The following ANKRD50 variants were observed in gnomAD, a reference collection of about 807,000 sequenced individuals.
ANKRD50 encodes ankyrin repeat domain-containing protein 50.
Under a neutral mutation model 112.0 loss-of-function variants are expected in ANKRD50, and 40 were observed. The observed-to-expected ratio is 0.36, with a 90% confidence interval of 0.28 to 0.46. The LOEUF is 0.46. Among genes scored for constraint, ANKRD50 ranks in the 20% least tolerant of loss-of-function variants. The probability of loss-of-function intolerance (pLI) is 1.00; values close to 1 mark genes in which losing one functional copy is unlikely to be tolerated. For synonymous variants in ANKRD50, 613 were observed against 619.1 expected, an observed-to-expected ratio of 0.99 and a Z score of 0.15; for missense variants, 1,487 against 1,701.7, an observed-to-expected ratio of 0.87 and a Z score of 2.22.
At chr4:124,688,761 C>T (rs780739549) in intron 2 of ANKRD50, among the ~76,000 whole-genome samples, 2 of 152,132 alleles carry the variant, frequency 1.3e-5, no homozygotes, top group African/African-American at 2.4e-5. Context: ...CCATCTAAAC[C>T]TACTAGAATG....
At position 124,672,119 on chromosome 4, in the gene ANKRD50, T is replaced by C. The variant is rs958964740; in HGVS notation, c.1158A>G (p.Gln386=). ...KNMSLTLEDF[Q]RKLDILSKLL... ...GTTTGGAGAGGATATCTAACTTGCG[T>C]TGAAAATCTTCCAAAGTTAACGACA... The change falls in exon 4 of 5, where the codon CAA becomes CAG. Residue 386 remains glutamine, a synonymous_variant. Coordinates refer to ENST00000504087, the MANE Select transcript of ANKRD50 (RefSeq NM_020337.3). 2 of 1,613,924 alleles carry C rather than the reference T, an allele frequency of 1.2e-6. No individual in the cohort carries two copies. Among genetic ancestry groups the C allele is most frequent in the Non-Finnish European group, 1.7e-6 (2 of 1,179,844 alleles).
Position 124,670,058 on chromosome 4 carries a change from A to C in ANKRD50, c.3219T>G (p.His1073Gln), listed in dbSNP as rs1202806857. The C allele has an allele frequency of 9.9e-6, 16 of 1,612,628 alleles. No homozygotes were observed. Among genetic ancestry groups the C allele is most frequent in the Non-Finnish European group, 1.4e-5 (16 of 1,179,606 alleles). ...TAGCAGTGCGTCCAAATTGATCAGC[A>C]TGGTTTGGATCAGCACCATGCTCTA... The part of the protein sequence containing the change: ...VLLEHGADPN[H>Q]ADQFGRTAMR... The change falls in exon 4 of 5, where the codon CAT becomes CAG. Residue 1073 changes from histidine to glutamine, a missense_variant. Coordinates refer to ENST00000504087, the MANE Select transcript of ANKRD50 (RefSeq NM_020337.3).
At chr4:124,673,525 TGCAGCAGCA>T (rs768066479) in intron 3 of ANKRD50, among the ~76,000 whole-genome samples, 15 of 151,810 alleles carry the variant, frequency 9.9e-5, no homozygotes, top group South Asian at 2.1e-4. Flanking sequence ...TGGCAGCAGT[TGCAGCAGCA>T]GCAGCAGCAG....
chr4:124,703,341 T>C (rs900676568), intron 2 of ANKRD50, among the ~76,000 whole-genome samples: 1 of 152,038 alleles, frequency 6.6e-6, no homozygotes, highest in East Asian at 1.9e-4. Context: ...AAGAAACTGA[T>C]GGGGAAGAGG....
chr4:124,678,758 A>G lies in ANKRD50; in HGVS notation c.660T>C (p.Gly220=). The part of the protein sequence containing the change: ...LSGTVAALLA[G]HHEFFPPWLL... ...GCCATGGTGGAAAGAACTCATGGTG[A>G]CCAGCTAAAAGTGCTGCAACAGTCC... Residue 220 remains glycine (G), a synonymous_variant, in exon 3 of 5, where the codon GGT becomes GGC. Coordinates refer to ENST00000504087, the MANE Select transcript of ANKRD50 (RefSeq NM_020337.3). The G allele has an allele frequency of 1.9e-6, 3 of 1,613,946 alleles. No homozygotes were observed. Among genetic ancestry groups the G allele is most frequent in the Non-Finnish European group, 2.5e-6 (3 of 1,179,828 alleles).
rs185243570 is a variant in ANKRD50, at chr4:124,683,535, G to A, written c.513-4630C>T. ...ACTAGAACATATCCCTTCTATTTAT[G>A]TACCCCTTCATGCTTTTAATTTATA... is the stretch of plus-strand genomic sequence containing the variant. On this transcript the variant is annotated intron_variant, in intron 2 of 4. Transcript: ENST00000504087. 3.4e-3 allele frequency among the ~76,000 whole-genome samples: 510 copies of A among 151,434 alleles called. 1 individual carries two copies. The highest frequency in any genetic ancestry group is 0.01 in the Middle Eastern group (3 of 288).
intron 2 of ANKRD50, among the ~76,000 whole-genome samples, chr4:124,694,169 A>G (rs750717866): frequency 6.6e-6 from 1 of 152,178 alleles, no homozygotes; most frequent in Non-Finnish European, 1.5e-5. Context: ...CGGGGAACAA[A>G]TATTATCTAT....
In ANKRD50 at chr4:124,669,074, C is replaced by G. The variant is rs765888235; in HGVS notation, c.4203G>C (p.Glu1401Asp). 4.3e-6 allele frequency: 7 copies of G among 1,613,376 alleles called. No homozygotes were observed. The highest frequency in any genetic ancestry group is 5.9e-6 in the Non-Finnish European group (7 of 1,179,704). ...QEVLEGYPSS[E>D]TELSLKQALK... ...GAGCTTGTTTAAGGCTTAATTCTGT[C>G]TCTGAGGAAGGGTATCCCTCCAACA... Residue 1401 changes from glutamate (E) to aspartate (D), a missense_variant, in exon 4 of 5, where the codon GAG becomes GAC. Glu to Asp is a conservative substitution (Grantham distance 45, BLOSUM62 2). This residue lies in a region of ANKRD50 where 441 missense variants were observed against 432.2 expected (regional missense o/e 1.02). Transcript: ENST00000504087.
In ANKRD50 at chr4:124,710,258, G is replaced by A; in HGVS notation, c.254C>T (p.Ala85Val). 6.2e-7 allele frequency: 1 copy of A among 1,614,190 alleles called. No individual in the cohort carries two copies. Among genetic ancestry groups the A allele is most frequent in the Non-Finnish European group, 8.5e-7 (1 of 1,180,042 alleles). ...LVGGPGSGKT[A>V]LCTELLWPSS... ...TGGCCATAAGAGTTCAGTACATAGG[G>A]CCGTCTTGCCACTGCCAGGCCCTCC... The change falls in exon 2 of 5, where the codon GCC becomes GTC. Residue 85 changes from alanine to valine, a missense_variant. Transcript: ENST00000504087.
At chr4:124,708,534 G>C (rs1725555801) in intron 2 of ANKRD50, among the ~76,000 whole-genome samples, 1 of 151,744 alleles carries the variant, frequency 6.6e-6, no homozygotes, top group South Asian at 2.1e-4. Flanking sequence ...TCTCATTCTA[G>C]AATACCACTC....
rs1730588073 is a variant in ANKRD50 at position 124,669,786 on chromosome 4, G to A, written c.3491C>T (p.Pro1164Leu). ...AACTGTAGAATCTGGAGATTCTGAAGGAGAACTAAAAGCATGAGTAGGCCC... is the reference window on the plus strand; with the variant it reads ...AACTGTAGAATCTGGAGATTCTGAAAGAGAACTAAAAGCATGAGTAGGCCC... ...PNGPTHAFSS[P>L]SESPDSTVDR... is the part of the protein sequence containing the mutation. The change falls in exon 4 of 5, where the codon CCT (proline) becomes CTT (leucine). Residue 1164 changes from proline to leucine, a missense_variant. Pro to Leu is a moderately conservative substitution (Grantham distance 98). Transcript: ENST00000504087. 1.2e-6 allele frequency: 2 copies of A among 1,613,048 alleles called. No homozygotes were observed. Among genetic ancestry groups the A allele is most frequent in the South Asian group, 1.1e-5 (1 of 90,914 alleles).
intron 2 of ANKRD50, among the ~76,000 whole-genome samples, chr4:124,708,536 A>T (rs1372389874): frequency 6.6e-6 from 1 of 152,032 alleles, no homozygotes; most frequent in Non-Finnish European, 1.5e-5. Context: ...TCATTCTAGA[A>T]TACCACTCCC....
chr4:124,708,713 CACACACAT>C (rs1725560156), intron 2 of ANKRD50, among the ~76,000 whole-genome samples: 1 of 149,956 alleles, frequency 6.7e-6, no homozygotes, highest in Non-Finnish European at 1.5e-5. Flanking sequence ...CACACACACA[CACACACAT>C]ACACACACAC....
chr4:124,678,532 T>C (rs1724795787), intron 3 of ANKRD50, 144 bp downstream of exon 3: 2 of 706,904 alleles, frequency 2.8e-6, no homozygotes, highest in East Asian at 5.4e-5. Flanking sequence ...GGCTTTTTTA[T>C]ATAAATTTCA....
chr4:124,695,429 C>A (rs1299106729), intron 2 of ANKRD50, among the ~76,000 whole-genome samples: 1 of 152,106 alleles, frequency 6.6e-6, no homozygotes, highest in Non-Finnish European at 1.5e-5. Context: ...TTCAAGGGGT[C>A]AGTTATATTC....
At position 124,704,813 on chromosome 4, in the gene ANKRD50, G is replaced by T. The variant is rs113941595; in HGVS notation, c.512+5187C>A. The stretch of plus-strand genomic sequence containing the variant: ...ATATATACATAAATAACTACAACAC[G>T]GCTGGGCGCAGTGGCTCACGCCTGT... On this transcript the variant is annotated intron_variant, in intron 2 of 4. Transcript: ENST00000504087. Among the ~76,000 whole-genome samples the T allele has an allele frequency of 2.0e-5, 3 of 152,224 alleles. No homozygotes were observed. In the East Asian group the frequency reaches 5.8e-4, roughly 29 times the overall value.
intron 2 of ANKRD50, among the ~76,000 whole-genome samples, chr4:124,697,607 C>T (rs779037669): frequency 1.8e-4 from 28 of 152,102 alleles, no homozygotes; most frequent in Non-Finnish European, 4.4e-5. Context: ...TAGCCCAAGG[C>T]CCTCATCAGA....
chr4:124,673,298 A>G (rs1322335316), intron 3 of ANKRD50, among the ~76,000 whole-genome samples: 1 of 152,136 alleles, frequency 6.6e-6, no homozygotes, highest in East Asian at 1.9e-4. Flanking sequence ...TACAGATATG[A>G]ACTTATTAGA....
At chr4:124,708,065 A>T (rs1014109139) in intron 2 of ANKRD50, among the ~76,000 whole-genome samples, 1 of 152,122 alleles carries the variant, frequency 6.6e-6, no homozygotes. Context: ...GCTCTTTGAA[A>T]GTTATTGGTA....
Sources: allele counts gnomAD v4.1 joint callset (sites outside exome capture counted in the v4.1 genomes callset), GRCh38; gene constraint gnomAD v4.1.1; regional missense constraint gnomAD v4.1.1; transcripts MANE v1.5; gene names NCBI Gene and HGNC (gene_info 2026-07-23, HGNC 2026-07-21).